PICALM: variants seen among roughly 807,000 people sequenced by gnomAD.
PICALM encodes phosphatidylinositol binding clathrin assembly protein, also known as phosphatidylinositol-binding clathrin assembly protein.
PICALM carries 40 observed loss-of-function variants against 80.5 expected under a neutral mutation model. The ratio of observed to expected loss-of-function variants is 0.50; its 90% CI spans 0.39 to 0.65. PICALM has a LOEUF of 0.65. Among genes scored for constraint, PICALM ranks in the 30% least tolerant of loss-of-function variants. PICALM has a pLI of 0.00. For missense variants in PICALM, 676 were observed against 778.9 expected, an observed-to-expected ratio of 0.87 and a Z score of 1.57; for synonymous variants, 288 against 260.3, an observed-to-expected ratio of 1.11 and a Z score of -1.02.
At chr11:86,036,099 C>CA (rs2095839217) in intron 1 of PICALM, among the ~76,000 whole-genome samples, 1 of 151,896 alleles carries the variant, frequency 6.6e-6, no homozygotes, top group Non-Finnish European at 1.5e-5. Context: ...GCATATTCAT[C>CA]AAAAAATAGT....
rs2095783651 is a variant in PICALM, at chr11:86,032,930, C to G, written c.131-1319G>C. Among the ~76,000 whole-genome samples the G allele has an allele frequency of 1.3e-5, 2 of 152,130 alleles. 1 individual carries two copies. Among genetic ancestry groups the G allele is most frequent in the African/African-American group, 4.8e-5 (2 of 41,390 alleles). Reference sequence around the variant, plus strand: ...GTCCAATTATTATATAAGTTAATATCTGATAAACACATGCATTTTAGATAA... The same window carrying G: ...GTCCAATTATTATATAAGTTAATATGTGATAAACACATGCATTTTAGATAA... On this transcript the variant is annotated intron_variant, in intron 1 of 19. Transcript: ENST00000393346.
intron 12 of PICALM, among the ~76,000 whole-genome samples, chr11:85,993,523 C>CT (rs933167791): frequency 6.6e-6 from 1 of 152,112 alleles, no homozygotes; most frequent in African/African-American, 2.4e-5. Context: ...ACTGCAACCT[C>CT]TGCTTCTCAG....
chr11:86,059,949 T>C (rs576527781), intron 1 of PICALM, among the ~76,000 whole-genome samples: 1 of 152,250 alleles, frequency 6.6e-6, no homozygotes, highest in Admixed American at 6.5e-5. Flanking sequence ...GAAAAAAATT[T>C]AAATATTATT....
At chr11:86,008,950 GCCAAAAAAAA>G (rs1255809784) in intron 7 of PICALM, among the ~76,000 whole-genome samples, 1 of 34,382 alleles carries the variant, frequency 2.9e-5, no homozygotes, top group Non-Finnish European at 7.6e-5. Flanking sequence ...AAAAAAAAAA[GCCAAAAAAAA>G]AAAAAAAGAA....
At chr11:86,021,779 T>C (rs1406769644) in intron 4 of PICALM, among the ~76,000 whole-genome samples, 4 of 152,190 alleles carry the variant, frequency 2.6e-5, no homozygotes, top group African/African-American at 9.6e-5. Context: ...ACTATTCAAG[T>C]GGCCATCACC....
At chr11:86,047,944 A>AC (rs1477573591) in intron 1 of PICALM, among the ~76,000 whole-genome samples, 3 of 151,992 alleles carry the variant, frequency 2.0e-5, no homozygotes, top group African/African-American at 4.8e-5. Flanking sequence ...TACTAAAAAT[A>AC]TAAAAAATTA....
At position 85,958,888 on chromosome 11, in the gene PICALM, A is replaced by T; in HGVS notation, c.*158T>A. 1 of 542,370 alleles carries T rather than the reference A, an allele frequency of 1.8e-6. No homozygotes were observed. The highest frequency in any genetic ancestry group is 3.4e-6 in the Non-Finnish European group (1 of 293,782). The allele number at this position is 542,370 out of a possible 1,614,324, so 33.6% of individuals were successfully genotyped here. On this transcript the variant is annotated 3_prime_UTR_variant, in exon 20 of 20. Coordinates refer to ENST00000393346, the MANE Select transcript of PICALM (RefSeq NM_007166.4). ...TACGTTCTCCTATAAACTAGTCCCAATTTCCTTCATGGGCCTTCACTGAGT... is the reference window on the plus strand; with the variant it reads ...TACGTTCTCCTATAAACTAGTCCCATTTTCCTTCATGGGCCTTCACTGAGT...
At chr11:86,020,924 A>C (rs1454230677) in intron 4 of PICALM, among the ~76,000 whole-genome samples, 1 of 152,252 alleles carries the variant, frequency 6.6e-6, no homozygotes, top group Non-Finnish European at 1.5e-5. Flanking sequence ...AACACCAACA[A>C]GAAACTGAAA....
chr11:86,056,707 A>G (rs1366346323), intron 1 of PICALM, among the ~76,000 whole-genome samples: 2 of 152,312 alleles, frequency 1.3e-5, no homozygotes, highest in Non-Finnish European at 2.9e-5. Context: ...TGTTCACACG[A>G]AAACTTGTAT....
At chr11:86,055,190 C>A (rs1188026606) in intron 1 of PICALM, among the ~76,000 whole-genome samples, 1 of 151,578 alleles carries the variant, frequency 6.6e-6, no homozygotes, top group Non-Finnish European at 1.5e-5. Context: ...ATTAGCCAGG[C>A]GTGGTGGCAC....
chr11:86,030,453 A>G (rs74594598), intron 2 of PICALM, among the ~76,000 whole-genome samples: 246 of 152,352 alleles, frequency 1.6e-3, no homozygotes, highest in African/African-American at 5.5e-3. Flanking sequence ...TCTCATCTCT[A>G]GAAGGTTATC....
At chr11:85,991,536 T>C (rs1250429403) in intron 12 of PICALM, among the ~76,000 whole-genome samples, 1 of 150,610 alleles carries the variant, frequency 6.6e-6, no homozygotes, top group African/African-American at 2.5e-5. Context: ...TACAACTGTC[T>C]GAAAAAGGAA....
At chr11:86,021,950 A>C (rs2136503048) in intron 4 of PICALM, among the ~76,000 whole-genome samples, 1 of 152,340 alleles carries the variant, frequency 6.6e-6, no homozygotes, top group East Asian at 1.9e-4. Flanking sequence ...ATTTATATGA[A>C]ATGTTCAGAA....
At chr11:86,030,943 C>A (rs1300823148) in intron 2 of PICALM, among the ~76,000 whole-genome samples, 1 of 152,008 alleles carries the variant, frequency 6.6e-6, no homozygotes, top group Non-Finnish European at 1.5e-5. Flanking sequence ...TGGAAAGACC[C>A]CCATCTCTAC....
chr11:86,035,452 T>TA (rs557436020), intron 1 of PICALM, among the ~76,000 whole-genome samples: 2 of 152,186 alleles, frequency 1.3e-5, no homozygotes, highest in African/African-American at 4.8e-5. Flanking sequence ...TAAGATTTTC[T>TA]AAAAAAGAAG....
chr11:85,976,801 G>A, intron 17 of PICALM, 119 bp from the exon 18 acceptor site: 1 of 637,782 alleles, frequency 1.6e-6, no homozygotes, highest in Non-Finnish European at 2.9e-6. Context: ...GTGAGTAAGT[G>A]ACACTTGTGA....
chr11:86,038,967 G>A (rs1016985472), intron 1 of PICALM, among the ~76,000 whole-genome samples: 3 of 151,690 alleles, frequency 2.0e-5, no homozygotes, highest in Non-Finnish European at 4.4e-5. Context: ...AAAATTAGCT[G>A]GACGTGGTGA....
chr11:86,009,533 A>G (rs1436368777), intron 7 of PICALM, among the ~76,000 whole-genome samples: 1 of 151,764 alleles, frequency 6.6e-6, no homozygotes, highest in Non-Finnish European at 1.5e-5. Context: ...CTCTACTAAA[A>G]ATACAAAAAT....
rs371146806 is a variant in PICALM, at chr11:86,068,817, C to T, written c.-37G>A. On this transcript the variant is annotated 5_prime_UTR_variant, in exon 1 of 20. Transcript: ENST00000393346. Reference sequence around the variant, plus strand: ...CTCCACCACCCCACCCGCTCAGCAGCCGGCGGGGACTGGGACCCCCAAGAG... The same window carrying T: ...CTCCACCACCCCACCCGCTCAGCAGTCGGCGGGGACTGGGACCCCCAAGAG... 3.4e-5 allele frequency: 54 copies of T among 1,567,684 alleles called. No homozygotes were observed. Among genetic ancestry groups the T allele is most frequent in the Non-Finnish European group, 4.5e-5 (52 of 1,161,054 alleles).
Sources: allele counts gnomAD v4.1 joint callset (sites outside exome capture counted in the v4.1 genomes callset), GRCh38; gene constraint gnomAD v4.1.1; transcripts MANE v1.5; gene names NCBI Gene and HGNC (gene_info 2026-07-23, HGNC 2026-07-21).